The following NAALADL2 variants were observed in gnomAD, a reference collection of about 807,000 sequenced individuals.
NAALADL2 encodes the protein inactive N-acetylated-alpha-linked acidic dipeptidase-like protein 2.
A neutral mutation model predicts 87.2 loss-of-function variants in NAALADL2; 76 were observed. The ratio of observed to expected loss-of-function variants is 0.87; its 90% CI spans 0.72 to 1.05. NAALADL2 has a LOEUF of 1.05. Among genes scored for constraint, NAALADL2 ranks in the 50% least tolerant of loss-of-function variants. The pLI, the probability that NAALADL2 is intolerant of heterozygous loss-of-function variation, is 0.00. For synonymous variants in NAALADL2, 354 were observed against 331.0 expected, an observed-to-expected ratio of 1.07 and a Z score of -0.75; for missense variants, 1,089 against 945.8, an observed-to-expected ratio of 1.15 and a Z score of -1.99.
chr3:175,612,477 G>T (rs781707692), intron 10 of NAALADL2, among the ~76,000 whole-genome samples: 1 of 152,156 alleles, frequency 6.6e-6, no homozygotes, highest in Non-Finnish European at 1.5e-5. Context: ...CTTGGCCAAA[G>T]GACCTTGAAG....
At chr3:174,519,551 G>A (rs1720141200) in intron 1 of NAALADL2, among the ~76,000 whole-genome samples, 1 of 151,686 alleles carries the variant, frequency 6.6e-6, no homozygotes, top group Non-Finnish European at 1.5e-5. Context: ...GTCTGGTCTC[G>A]AACTCCCGAC....
At chr3:175,194,760 CTTGTT>C (rs998768481) in intron 2 of NAALADL2, among the ~76,000 whole-genome samples, 43 of 151,692 alleles carry the variant, frequency 2.8e-4, no homozygotes, top group Admixed American at 1.4e-3. Context: ...ATTTAAGAAT[CTTGTT>C]TTGTTCAAGT....
intron 3 of NAALADL2, among the ~76,000 whole-genome samples, chr3:174,819,439 A>G (rs562841550): frequency 1.0e-3 from 159 of 152,144 alleles, no homozygotes; most frequent in South Asian, 2.9e-3. Context: ...AAAAAGCAAT[A>G]ATATATTAAA....
At chr3:175,680,803 A>C (rs1021810782) in intron 11 of NAALADL2, among the ~76,000 whole-genome samples, 7 of 152,216 alleles carry the variant, frequency 4.6e-5, no homozygotes, top group African/African-American at 1.7e-4. Flanking sequence ...TACAAGTATC[A>C]GTGAATGTTC....
At chr3:174,614,228 C>T (rs1720224069) in intron 2 of NAALADL2, among the ~76,000 whole-genome samples, 2 of 152,122 alleles carry the variant, frequency 1.3e-5, no homozygotes, top group South Asian at 4.1e-4. Context: ...TGTTTACTGG[C>T]TCTGAGCCCA....
At chr3:175,719,829 A>C (rs56091349) in intron 11 of NAALADL2, among the ~76,000 whole-genome samples, 22,062 of 152,216 alleles carry the variant, frequency 0.14, 1,782 homozygotes, top group Non-Finnish European at 0.18. Context: ...TTCAAGATCA[A>C]GGCACTGGCA....
At chr3:174,732,543 C>A (rs1732805449) in intron 2 of NAALADL2, among the ~76,000 whole-genome samples, 1 of 152,070 alleles carries the variant, frequency 6.6e-6, no homozygotes, top group African/African-American at 2.4e-5. Flanking sequence ...CCTGAGGACA[C>A]AGCTAAGATA....
chr3:175,468,174 T>A (rs572437843), intron 8 of NAALADL2, among the ~76,000 whole-genome samples: 18 of 152,276 alleles, frequency 1.2e-4, no homozygotes, highest in East Asian at 5.8e-4. Flanking sequence ...GTATCTTTTT[T>A]AATTTGAAGT....
intron 1 of NAALADL2, among the ~76,000 whole-genome samples, chr3:175,056,203 G>T (rs1352219066): frequency 6.6e-6 from 1 of 152,116 alleles, no homozygotes; most frequent in East Asian, 1.9e-4. Flanking sequence ...GGGTAGGGAT[G>T]AACCTCTCCC....
chr3:175,108,200 G>C (rs186806499), intron 2 of NAALADL2, among the ~76,000 whole-genome samples: 1 of 151,914 alleles, frequency 6.6e-6, no homozygotes, highest in East Asian at 1.9e-4. Context: ...TATGTAACTT[G>C]TCCCCTGTGG....
chr3:174,682,786 T>G (rs1438181382), intron 2 of NAALADL2, among the ~76,000 whole-genome samples: 3 of 152,174 alleles, frequency 2.0e-5, no homozygotes, highest in African/African-American at 4.8e-5. Flanking sequence ...CCCAAAAAGA[T>G]GGGTACAACC....
chr3:175,196,910 G>A (rs943185822), intron 2 of NAALADL2, among the ~76,000 whole-genome samples: 8 of 151,714 alleles, frequency 5.3e-5, no homozygotes, highest in African/African-American at 1.9e-4. Context: ...CCTGCTTCTT[G>A]GTAGCAATTT....
intron 11 of NAALADL2, among the ~76,000 whole-genome samples, chr3:175,721,302 C>T (rs1218756140): frequency 2.0e-5 from 3 of 151,878 alleles, no homozygotes; most frequent in Admixed American, 2.0e-4. Context: ...TAATATACTT[C>T]AAGAAGGAGA....
chr3:175,797,126 G>A (rs1015390220), intron 13 of NAALADL2, among the ~76,000 whole-genome samples: 9 of 151,978 alleles, frequency 5.9e-5, no homozygotes, highest in African/African-American at 2.2e-4. Context: ...AATGAGTGAT[G>A]TGTGTTGTAA....
intron 1 of NAALADL2, among the ~76,000 whole-genome samples, chr3:175,078,131 TC>T (rs1285546562): frequency 6.6e-6 from 1 of 151,982 alleles, no homozygotes. Context: ...TTCAAGCAAT[TC>T]CCCTGCCTCA....
At chr3:174,600,218 A>AAT (rs1718304780) in intron 2 of NAALADL2, among the ~76,000 whole-genome samples, 1 of 152,140 alleles carries the variant, frequency 6.6e-6, no homozygotes. Context: ...GATAAAACCG[A>AAT]TAATATAGAT....
chr3:175,174,210 C>A (rs1312194442), intron 2 of NAALADL2, among the ~76,000 whole-genome samples: 1 of 152,020 alleles, frequency 6.6e-6, no homozygotes, highest in African/African-American at 2.4e-5. Context: ...TATTTTAAAA[C>A]CTTTCTTAGT....
intron 1 of NAALADL2, among the ~76,000 whole-genome samples, chr3:174,513,263 A>G (rs1009991880): frequency 4.6e-5 from 7 of 152,140 alleles, no homozygotes; most frequent in Non-Finnish European, 1.0e-4. Context: ...GTGAGCCACC[A>G]CACCCAGCCA....
At chr3:175,323,583 A>C in intron 4 of NAALADL2, among the ~76,000 whole-genome samples, 1 of 151,846 alleles carries the variant, frequency 6.6e-6, no homozygotes, top group Non-Finnish European at 1.5e-5. Flanking sequence ...TCAGAGAGTG[A>C]GGAATTCCAT....
Sources: gnomAD v4.1 joint callset for allele counts (sites outside exome capture counted in the v4.1 genomes callset) on GRCh38, gnomAD v4.1.1 for gene constraint, MANE v1.5 for transcripts, NCBI Gene and HGNC (gene_info 2026-07-23, HGNC 2026-07-21) for gene names.